Variants in CCDC125 observed in about 807,000 individuals in gnomAD.
CCDC125 encodes coiled-coil domain containing 125, also known as coiled-coil domain-containing protein 125.
CCDC125 carries 43 observed loss-of-function variants against 57.4 expected under a neutral mutation model. That is an observed-to-expected ratio of 0.75 (90% CI 0.59 to 0.97). The LOEUF (loss-of-function observed/expected upper bound fraction) is 0.97, where lower values mean the gene tolerates loss of function less well. Among genes scored for constraint, CCDC125 ranks in the 50% least tolerant of loss-of-function variants. The probability of loss-of-function intolerance (pLI) is 0.00; values close to 1 mark genes in which losing one functional copy is unlikely to be tolerated. For missense variants in CCDC125, 563 were observed against 595.7 expected (o/e 0.95, Z 0.57); for synonymous variants, 187 against 195.2 (o/e 0.96, Z 0.35).
chr5:69,277,372 T>C (rs920809654), downstream of CCDC125: 3 of 383,648 alleles, frequency 7.8e-6, no homozygotes, highest in Non-Finnish European at 1.4e-5. Flanking sequence ...AAATGTAGAA[T>C]TGAAAATGCA....
At chr5:69,284,244 G>T (rs905441624) in intron 11 of CCDC125, among the ~76,000 whole-genome samples, 1 of 151,660 alleles carries the variant, frequency 6.6e-6, no homozygotes, top group Non-Finnish European at 1.5e-5. Flanking sequence ...ATATATCAAC[G>T]TGCATATTTA....
chr5:69,289,721 G>A (rs1303692390), intron 10 of CCDC125, among the ~76,000 whole-genome samples: 1 of 151,866 alleles, frequency 6.6e-6, no homozygotes, highest in Non-Finnish European at 1.5e-5. Context: ...AATTTAGCCT[G>A]GCATGGTGGC....
intron 10 of CCDC125, among the ~76,000 whole-genome samples, chr5:69,289,642 G>A (rs570150086): frequency 1.8e-4 from 27 of 152,162 alleles, no homozygotes; most frequent in Non-Finnish European, 3.5e-4. Context: ...AGGGAGGACC[G>A]CTTGAGCCCA....
Position 69,325,928 on chromosome 5 carries a change from C to T in CCDC125, c.-40-5348G>A, listed in dbSNP as rs1220486535. On this transcript the variant is annotated intron_variant, in intron 1 of 11. Coordinates refer to ENST00000396496, the MANE Select transcript of CCDC125 (RefSeq NM_176816.5). The stretch of plus-strand genomic sequence containing the variant: ...TGGCATCCACAGCTCACTGCAGCCT[C>T]GACCTCTTAGGCTCAAGTGATTCTC... Among the ~76,000 whole-genome samples, 6 of 151,778 alleles carry T rather than the reference C, an allele frequency of 4.0e-5. No individual in the cohort carries two copies. The South Asian group carries it at 8.3e-4, about 21-fold the overall frequency.
intron 1 of CCDC125, among the ~76,000 whole-genome samples, chr5:69,329,637 G>T (rs1761172151): frequency 6.6e-6 from 1 of 151,268 alleles, no homozygotes; most frequent in Non-Finnish European, 1.5e-5. Flanking sequence ...TGAGTAGCTG[G>T]GATTACAGGT....
At chr5:69,283,403 G>T (rs151041537) in intron 11 of CCDC125, among the ~76,000 whole-genome samples, 28 of 151,872 alleles carry the variant, frequency 1.8e-4, no homozygotes, top group Admixed American at 3.9e-4. Flanking sequence ...GCATTTTTTA[G>T]TAGAGACGGG....
chr5:69,285,416 A>G lies in CCDC125; in HGVS notation c.1151T>C (p.Met384Thr), dbSNP rs769597599. The G allele has an allele frequency of 6.2e-7, 1 of 1,611,044 alleles. No homozygotes were observed. The highest frequency in any genetic ancestry group is 8.5e-7 in the Non-Finnish European group (1 of 1,178,904). ...KKTFGQRLLGMLPSENSSKRM... is the reference protein window; with the variant it reads ...KKTFGQRLLGTLPSENSSKRM... ...CTTAGAACTGTTTTCTGAAGGGAGC[A>G]TACCCAACAGTCTCTGCCCGAAGGT... is the stretch of plus-strand genomic sequence containing the variant. The change falls in exon 11 of 12, where the codon ATG becomes ACG. Residue 384 changes from methionine (M) to threonine (T), a missense_variant. By Grantham distance (81) the Met-to-Thr change is moderately conservative. Coordinates refer to ENST00000396496, the MANE Select transcript of CCDC125 (RefSeq NM_176816.5).
At chr5:69,298,894 G>A (rs901496120) in intron 8 of CCDC125, among the ~76,000 whole-genome samples, 5 of 152,098 alleles carry the variant, frequency 3.3e-5, no homozygotes, top group African/African-American at 4.8e-5. Context: ...GCTCCACCAC[G>A]CACTAGCTGT....
At chr5:69,280,042 AC>A (rs1042947086), downstream of CCDC125, 4 of 151,882 alleles carry the variant, frequency 2.6e-5, no homozygotes, top group Admixed American at 1.3e-4. Context: ...GGGGGATACC[AC>A]CCCCATGATC....
At chr5:69,290,251 A>C (rs1754177490) in intron 10 of CCDC125, among the ~76,000 whole-genome samples, 1 of 151,840 alleles carries the variant, frequency 6.6e-6, no homozygotes, top group African/African-American at 2.4e-5. Flanking sequence ...TATTTCAAAC[A>C]AAATGGCTAT....
In CCDC125 at chr5:69,286,325, G is replaced by A. The variant is rs1435035894; in HGVS notation, c.1100-858C>T. ...CGGCTCACTGCAAGCTCCGCCTCCC[G>A]GGTTCGCGCCATTCTCCTGCCTCAG... On this transcript the variant is annotated intron_variant, in intron 10 of 11. Coordinates refer to ENST00000396496, the MANE Select transcript of CCDC125 (RefSeq NM_176816.5). 4.0e-5 allele frequency among the ~76,000 whole-genome samples: 6 copies of A among 148,388 alleles called. No homozygotes were observed. In the East Asian group the frequency reaches 6.0e-4, roughly 15 times the overall value.
chr5:69,286,224 ATATATATATAAT>A (rs1753384405), intron 10 of CCDC125, among the ~76,000 whole-genome samples: 390 of 83,540 alleles, frequency 4.7e-3, no homozygotes, highest in African/African-American at 0.019. Flanking sequence ...ATATATATAT[ATATATATATAAT>A]TTTTTTTTTT....
intron 6 of CCDC125, among the ~76,000 whole-genome samples, chr5:69,306,370 C>T (rs1022293415): frequency 3.3e-5 from 5 of 152,156 alleles, no homozygotes; most frequent in Admixed American, 1.3e-4. Flanking sequence ...ACTCTATCAT[C>T]CAGGCTGAAG....
At chr5:69,294,107 T>C (rs747802721) in intron 9 of CCDC125, 8 of 978,884 alleles carry the variant, frequency 8.2e-6, no homozygotes, top group Non-Finnish European at 9.7e-6. Flanking sequence ...TGTGCCTTGC[T>C]GCTGTTCAAA....
chr5:69,325,825 C>CAAA (rs70992925), intron 1 of CCDC125, among the ~76,000 whole-genome samples: 1 of 35,658 alleles, frequency 2.8e-5, no homozygotes, highest in Non-Finnish European at 5.4e-5. Flanking sequence ...CCCTCTGTCT[C>CAAA]AAAAAAAAAA....
chr5:69,302,420 C>A (rs1243247564), intron 7 of CCDC125, among the ~76,000 whole-genome samples: 101 of 30,730 alleles, frequency 3.3e-3, no homozygotes, highest in African/African-American at 9.5e-3. Context: ...GACTCCATCT[C>A]AAAAAAAAAA....
intron 7 of CCDC125, among the ~76,000 whole-genome samples, chr5:69,301,444 G>A (rs986790345): frequency 6.6e-6 from 1 of 151,928 alleles, no homozygotes; most frequent in Non-Finnish European, 1.5e-5. Flanking sequence ...CCCTCACAAA[G>A]TGAGTCACCC....
At chr5:69,289,497 C>A (rs1754047628) in intron 10 of CCDC125, among the ~76,000 whole-genome samples, 1 of 151,592 alleles carries the variant, frequency 6.6e-6, no homozygotes, top group South Asian at 2.1e-4. Flanking sequence ...AAAGTTGTAC[C>A]TTCAGCTTTT....
chr5:69,303,176 C>T (rs747280182), intron 7 of CCDC125, among the ~76,000 whole-genome samples: 3 of 152,058 alleles, frequency 2.0e-5, no homozygotes, highest in Non-Finnish European at 2.9e-5. Context: ...AGTGCCACCA[C>T]ATCTGGCTAA....
Sources: allele counts gnomAD v4.1 joint callset (sites outside exome capture counted in the v4.1 genomes callset), GRCh38; gene constraint gnomAD v4.1.1; transcripts MANE v1.5; gene names NCBI Gene and HGNC (gene_info 2026-07-23, HGNC 2026-07-21).